Variants in MREG observed in about 807,000 individuals in gnomAD.
The protein encoded by MREG is melanoregulin.
Under a neutral mutation model 28.5 loss-of-function variants are expected in MREG, and 31 were observed. That is an observed-to-expected ratio of 1.09 (90% CI 0.82 to 1.47). The LOEUF is 1.47. Among genes scored for constraint, MREG ranks in the 40% most tolerant of loss-of-function variants. The probability of loss-of-function intolerance (pLI) is 0.00; values close to 1 mark genes in which losing one functional copy is unlikely to be tolerated. For missense variants in MREG, 256 were observed against 257.4 expected (o/e 0.99, Z 0.04); for synonymous variants, 106 against 95.2 (o/e 1.11, Z -0.66).
At chr2:215,975,141 T>C (rs2105994479) in intron 2 of MREG, among the ~76,000 whole-genome samples, 1 of 151,922 alleles carries the variant, frequency 6.6e-6, no homozygotes, top group Non-Finnish European at 1.5e-5. Context: ...CCACAAATCT[T>C]ATCATTGTAC....
chr2:216,030,942 TCTCTCTCTCTCTCTCACACA>T (rs1339499403), intron 1 of MREG, among the ~76,000 whole-genome samples: 798 of 61,270 alleles, frequency 0.013, 4 homozygotes, highest in African/African-American at 0.03. Flanking sequence ...TCTCTCTCTC[TCTCTCTCTCTCTCTCACACA>T]CACACACACA....
intron 2 of MREG, among the ~76,000 whole-genome samples, chr2:215,986,448 T>A (rs1252365054): frequency 6.6e-6 from 1 of 152,184 alleles, no homozygotes; most frequent in Non-Finnish European, 1.5e-5. Context: ...GGGTACCCAC[T>A]TCCCTCACTG....
At chr2:216,011,924 C>T (rs1694322142) in intron 1 of MREG, among the ~76,000 whole-genome samples, 1 of 152,102 alleles carries the variant, frequency 6.6e-6, no homozygotes, top group African/African-American at 2.4e-5. Context: ...TAGATTATTC[C>T]ATTTCTCCCT....
intron 1 of MREG, among the ~76,000 whole-genome samples, chr2:215,998,032 C>T (rs1318939562): frequency 1.3e-5 from 2 of 152,124 alleles, no homozygotes; most frequent in East Asian, 1.9e-4. Flanking sequence ...GGGCCGGGCA[C>T]GGTGGCTCAC....
Position 215,945,553 on chromosome 2 carries a change from A to G in MREG, c.510+18T>C, listed in dbSNP as rs370396010. ...ATTAAAGCAAAATTAGGGCAAATGA[A>G]AAAAAGCATCCACTTACCACAACAA... On this transcript the variant is annotated intron_variant, in intron 4 of 4. Coordinates refer to ENST00000263268, the MANE Select transcript of MREG (RefSeq NM_018000.3). The G allele has an allele frequency of 6.2e-7, 1 of 1,601,262 alleles. No individual in the cohort carries two copies. Among genetic ancestry groups the G allele is most frequent in the Non-Finnish European group, 8.5e-7 (1 of 1,175,256 alleles).
intron 2 of MREG, among the ~76,000 whole-genome samples, chr2:215,987,939 A>C (rs1693618402): frequency 6.6e-6 from 1 of 152,136 alleles, no homozygotes. Context: ...AAAAATAAAA[A>C]AGAAGAAGGA....
intron 2 of MREG, among the ~76,000 whole-genome samples, chr2:215,976,336 C>T (rs891360266): frequency 3.3e-5 from 5 of 152,204 alleles, no homozygotes; most frequent in Admixed American, 2.6e-4. Context: ...ACATCCCTTG[C>T]TCTTAGCCCC....
chr2:216,009,012 T>C (rs938108658), intron 1 of MREG, among the ~76,000 whole-genome samples: 1 of 152,186 alleles, frequency 6.6e-6, no homozygotes, highest in Non-Finnish European at 1.5e-5. Flanking sequence ...ATTCTTGTTG[T>C]CTGTGGTAGT....
chr2:216,025,013 GAAGA>G (rs982221342), intron 1 of MREG, among the ~76,000 whole-genome samples: 2 of 151,632 alleles, frequency 1.3e-5, no homozygotes, highest in Non-Finnish European at 2.9e-5. Context: ...GAAAGGAAAG[GAAGA>G]AAGAAAGAAA....
chr2:216,033,368 C>T (rs1694740930), upstream of MREG, among the ~76,000 whole-genome samples: 2 of 152,116 alleles, frequency 1.3e-5, no homozygotes, highest in Admixed American at 6.5e-5. Context: ...CCTCCGCTGT[C>T]TCAATGCCTT....
At chr2:215,985,060 A>G (rs1693530785) in intron 2 of MREG, among the ~76,000 whole-genome samples, 1 of 152,228 alleles carries the variant, frequency 6.6e-6, no homozygotes, top group Admixed American at 6.5e-5. Context: ...CCCTTGGATA[A>G]GTTGCTTAAA....
intron 2 of MREG, among the ~76,000 whole-genome samples, chr2:215,984,551 CT>C (rs1693516134): frequency 7.4e-6 from 1 of 134,232 alleles, no homozygotes; most frequent in Non-Finnish European, 1.6e-5. Flanking sequence ...AAAATTAAGG[CT>C]TTTTTAGGAG....
chr2:216,013,219 G>A lies in MREG; in HGVS notation c.95+14C>T. On this transcript the variant is annotated intron_variant, in intron 1 of 4. Transcript: ENST00000263268. Reference sequence around the variant, plus strand: ...CCAGGTAAGCCCAGATCCCGGCCCGGGCGGCGCACCCACCTGACGAGGGGC... The same window carrying A: ...CCAGGTAAGCCCAGATCCCGGCCCGAGCGGCGCACCCACCTGACGAGGGGC... The A allele has an allele frequency of 6.5e-7, 1 of 1,548,154 alleles. No individual in the cohort carries two copies. Among genetic ancestry groups the A allele is most frequent in the Non-Finnish European group, 8.7e-7 (1 of 1,146,360 alleles).
At chr2:215,969,775 G>C (rs1286064663) in intron 2 of MREG, among the ~76,000 whole-genome samples, 1 of 152,090 alleles carries the variant, frequency 6.6e-6, no homozygotes, top group East Asian at 1.9e-4. Flanking sequence ...AGCAGACCCA[G>C]GGAGAACTGT....
At chr2:215,991,693 T>C (rs1693724919) in intron 2 of MREG, among the ~76,000 whole-genome samples, 1 of 151,346 alleles carries the variant, frequency 6.6e-6, no homozygotes, top group African/African-American at 2.4e-5. Context: ...ACAGATGCAA[T>C]GAAAAATGAT....
chr2:215,951,100 C>A (rs901804048), intron 2 of MREG, among the ~76,000 whole-genome samples: 5 of 152,118 alleles, frequency 3.3e-5, no homozygotes, highest in Non-Finnish European at 5.9e-5. Context: ...TTTCCTGAGG[C>A]CTCCCAGCCA....
At chr2:216,009,327 C>T (rs1694237627) in intron 1 of MREG, among the ~76,000 whole-genome samples, 1 of 151,472 alleles carries the variant, frequency 6.6e-6, no homozygotes. Context: ...AAATTGCCAG[C>T]TAAAGTACAA....
rs146342269 is a variant in MREG at position 216,029,262 on chromosome 2, G to A, written c.-68+3527C>T. On this transcript the variant is annotated intron_variant, in intron 1 of 3. Coordinates refer to the MREG transcript ENST00000420348. ...TGGGAGGCTGAGGCAGGCAGATCACGAGGTCAAGAGATTGAGACCATCGTC... is the reference window on the plus strand; with the variant it reads ...TGGGAGGCTGAGGCAGGCAGATCACAAGGTCAAGAGATTGAGACCATCGTC... Among the ~76,000 whole-genome samples, 750 of 152,120 alleles carry A rather than the reference G, an allele frequency of 4.9e-3. 13 individuals are homozygous for A. The highest frequency in any genetic ancestry group is 0.017 in the African/African-American group (712 of 41,494).
intron 1 of MREG, among the ~76,000 whole-genome samples, chr2:216,021,665 A>G (rs920881758): frequency 6.6e-6 from 1 of 152,108 alleles, no homozygotes; most frequent in Non-Finnish European, 1.5e-5. Context: ...GGTTGTTTAG[A>G]GTATGGTCTT....
Sources: gnomAD v4.1 joint callset for allele counts (sites outside exome capture counted in the v4.1 genomes callset) on GRCh38, gnomAD v4.1.1 for gene constraint, MANE v1.5 for transcripts, NCBI Gene and HGNC (gene_info 2026-07-23, HGNC 2026-07-21) for gene names.